DCAF6: variants seen among roughly 807,000 people sequenced by gnomAD.
DCAF6 encodes DDB1- and CUL4-associated factor 6.
A neutral mutation model predicts 125.1 loss-of-function variants in DCAF6; 54 were observed. The observed-to-expected ratio is 0.43, with a 90% CI of 0.35 to 0.54. DCAF6 has a LOEUF of 0.54. DCAF6 is among the 20% of genes least tolerant of loss of function. The pLI is 0.01. For synonymous variants in DCAF6, 371 were observed against 390.4 expected, an observed-to-expected ratio of 0.95 and a Z score of 0.58; for missense variants, 934 against 1,161.7, an observed-to-expected ratio of 0.80 and a Z score of 2.85.
chr1:168,072,194 G>C (rs534528325), intron 21 of DCAF6, among the ~76,000 whole-genome samples: 1 of 150,540 alleles, frequency 6.6e-6, no homozygotes, highest in Non-Finnish European at 1.5e-5. Context: ...CTACTTGGGA[G>C]GCTGAGGCAG....
chr1:167,866,530 C>CAAA, the DCAF6 span, among the ~76,000 whole-genome samples: 336 of 110,634 alleles, frequency 3.0e-3, 1 homozygote, highest in Non-Finnish European at 5.8e-3. Flanking sequence ...CTCTATGTGC[C>CAAA]AAAAAAAAAA....
At chr1:167,911,012 T>C in the DCAF6 span, among the ~76,000 whole-genome samples, 1 of 152,230 alleles carries the variant, frequency 6.6e-6, no homozygotes, top group African/African-American at 2.4e-5. Context: ...TCTCCTCACA[T>C]GCATAGTATA....
chr1:168,042,347 T>C (rs935650233), intron 13 of DCAF6, among the ~76,000 whole-genome samples: 5 of 152,132 alleles, frequency 3.3e-5, no homozygotes, highest in African/African-American at 1.2e-4. Flanking sequence ...GTTACACATA[T>C]GCCATGATTT....
At chr1:167,991,489 C>T (rs1478608850) in intron 6 of DCAF6, 150 bp downstream of exon 6, 3 of 830,624 alleles carry the variant, frequency 3.6e-6, no homozygotes, top group South Asian at 5.7e-5. Context: ...TAACATTTCA[C>T]CAAGTGTTTA....
chr1:167,915,403 A>G, the DCAF6 span, among the ~76,000 whole-genome samples: 1 of 152,220 alleles, frequency 6.6e-6, no homozygotes, highest in African/African-American at 2.4e-5. Flanking sequence ...GTAAAATTAA[A>G]ACTTCCTTTA....
chr1:167,903,150 T>C, the DCAF6 span, among the ~76,000 whole-genome samples: 2 of 151,384 alleles, frequency 1.3e-5, no homozygotes, highest in Non-Finnish European at 2.9e-5. Flanking sequence ...CAGCTACGTG[T>C]GTGGCTGAGG....
At chr1:168,039,349 T>C (rs10918813) in intron 13 of DCAF6, among the ~76,000 whole-genome samples, 9,005 of 151,630 alleles carry the variant, frequency 0.059, 844 homozygotes, top group African/African-American at 0.2. Context: ...TAATTGATTA[T>C]TAGTAAGGTT....
chr1:167,911,639 C>T, the DCAF6 span, among the ~76,000 whole-genome samples: 1 of 152,150 alleles, frequency 6.6e-6, no homozygotes, highest in African/African-American at 2.4e-5. Context: ...TAAATGACCC[C>T]GTCTCCTTTG....
intron 3 of DCAF6, among the ~76,000 whole-genome samples, chr1:167,971,607 T>G (rs1453367836): frequency 6.6e-6 from 1 of 152,192 alleles, no homozygotes; most frequent in Non-Finnish European, 1.5e-5. Flanking sequence ...AGATGCCAAC[T>G]TTGGCCAGCT....
At chr1:167,921,258 T>C in the DCAF6 span, among the ~76,000 whole-genome samples, 4 of 151,966 alleles carry the variant, frequency 2.6e-5, no homozygotes, top group Non-Finnish European at 5.9e-5. Context: ...AGTCTCACTC[T>C]GTCACCCAGG....
Position 168,065,510 on chromosome 1 carries a change from TAAA to T in DCAF6, c.2440-75_2440-73del, listed in dbSNP as rs201077407. 6.2e-4 allele frequency: 657 copies of T among 1,057,948 alleles called. 9 individuals carry two copies. In the South Asian group the frequency reaches 0.011, roughly 18 times the overall value. 65.5% of individuals were successfully genotyped at this position (1,057,948 alleles called of 1,614,324 possible). On this transcript the variant is annotated intron_variant, in intron 18 of 21. Coordinates refer to ENST00000367840, the MANE Select transcript of DCAF6 (RefSeq NM_001198956.2). ...TAAAAAATGTAAGAATTAAAACAAA[TAAA>T]AAAATGTAAGAGTAGCATAAATCTT...
intron 4 of DCAF6, among the ~76,000 whole-genome samples, chr1:167,980,971 A>G (rs983684553): frequency 2.7e-5 from 4 of 148,886 alleles, no homozygotes; most frequent in South Asian, 2.1e-4. Flanking sequence ...CAGTGGTACA[A>G]TCGTGGCTCA....
At chr1:167,996,631 G>A (rs895094175) in intron 7 of DCAF6, among the ~76,000 whole-genome samples, 5 of 152,062 alleles carry the variant, frequency 3.3e-5, no homozygotes, top group Non-Finnish European at 7.4e-5. Context: ...GCTCCCTGTC[G>A]GACCTAAAGC....
In DCAF6 at chr1:168,004,646, C is replaced by T. The variant is rs1170367039; in HGVS notation, c.1231C>T (p.Pro411Ser). The change falls in exon 10 of 22, where the codon CCT (proline) becomes TCT (serine). Residue 411 changes from proline to serine, a missense_variant. Transcript: ENST00000367840. The part of the protein sequence containing the change: ...VDTPAEQFLQ[P>S]STSSTMSAQA... ...TACTCCAGCTGAACAATTTCTTCAG[C>T]CTTCTACATCCTCTACAATGTCAGC... The T allele has an allele frequency of 1.9e-6, 3 of 1,613,638 alleles. No homozygotes were observed. The highest frequency in any genetic ancestry group is 1.7e-6 in the Non-Finnish European group (2 of 1,179,890).
intron 21 of DCAF6, among the ~76,000 whole-genome samples, chr1:168,072,418 C>G (rs540152088): frequency 6.7e-6 from 1 of 150,148 alleles, no homozygotes; most frequent in South Asian, 2.1e-4. Context: ...TGTTCATTGC[C>G]TTATTTTCCT....
At chr1:167,957,422 A>T (rs1043340310) in intron 2 of DCAF6, among the ~76,000 whole-genome samples, 2 of 152,138 alleles carry the variant, frequency 1.3e-5, no homozygotes, top group African/African-American at 4.8e-5. Context: ...ATGTTGTAGT[A>T]TGTGTCAGTA....
Position 168,036,766 on chromosome 1 carries a change from C to T in DCAF6, c.1610-1605C>T, listed in dbSNP as rs1424349480. On this transcript the variant is annotated intron_variant, in intron 12 of 21. Coordinates refer to ENST00000367840, the MANE Select transcript of DCAF6 (RefSeq NM_001198956.2). ...TTGGTAAAATACCTCCTCTAAAACA[C>T]TGAATGTAATACTAAATCTTTGACA... is the stretch of plus-strand genomic sequence containing the variant. Among the ~76,000 whole-genome samples, 4 of 152,274 alleles carry T rather than the reference C, an allele frequency of 2.6e-5. No homozygotes were observed. The East Asian group carries it at 7.7e-4, about 29-fold the overall frequency.
intron 4 of DCAF6, among the ~76,000 whole-genome samples, chr1:167,981,972 G>A (rs1441891020): frequency 1.3e-5 from 2 of 152,176 alleles, no homozygotes; most frequent in Non-Finnish European, 2.9e-5. Context: ...GTGGCTGAAC[G>A]AATTTACATT....
intron 11 of DCAF6, among the ~76,000 whole-genome samples, chr1:168,022,715 C>T (rs1203776610): frequency 6.6e-6 from 1 of 152,150 alleles, no homozygotes; most frequent in East Asian, 1.9e-4. Context: ...TACCTTGCAC[C>T]TTGTGCCTCT....
Sources: gnomAD v4.1 joint callset for allele counts (sites outside exome capture counted in the v4.1 genomes callset) on GRCh38, gnomAD v4.1.1 for gene constraint, MANE v1.5 for transcripts, NCBI Gene and HGNC (gene_info 2026-07-23, HGNC 2026-07-21) for gene names.